The following LUZP2 variants were observed in gnomAD, a reference collection of about 807,000 sequenced individuals.
LUZP2 encodes the protein leucine zipper protein 2.
Under a neutral mutation model 51.6 loss-of-function variants are expected in LUZP2, and 52 were observed. That is an observed-to-expected ratio of 1.01 (90% CI 0.81 to 1.27). The LOEUF is 1.27. Among genes scored for constraint, LUZP2 ranks in the 50% most tolerant of loss-of-function variants. The pLI, the probability that LUZP2 is intolerant of heterozygous loss-of-function variation, is 0.00. For synonymous variants in LUZP2, 154 were observed against 137.3 expected (o/e 1.12, Z -0.85); for missense variants, 436 against 395.4 (o/e 1.10, Z -0.87).
chr11:24,703,874 A>G (rs530319754), intron 1 of LUZP2, among the ~76,000 whole-genome samples: 1 of 151,600 alleles, frequency 6.6e-6, no homozygotes, highest in Non-Finnish European at 1.5e-5. Context: ...ACAAAAAAAA[A>G]CAGAATTATT....
At chr11:24,747,875 C>T (rs545667259) in intron 4 of LUZP2, among the ~76,000 whole-genome samples, 3 of 152,200 alleles carry the variant, frequency 2.0e-5, no homozygotes, top group African/African-American at 7.2e-5. Flanking sequence ...AGCTTCCACG[C>T]AATCTGAAGG....
chr11:24,917,710 C>T (rs563546201), intron 7 of LUZP2, among the ~76,000 whole-genome samples: 24 of 152,154 alleles, frequency 1.6e-4, no homozygotes, highest in African/African-American at 5.5e-4. Flanking sequence ...GTTTTGGTAC[C>T]AGTACCATGC....
intron 1 of LUZP2, among the ~76,000 whole-genome samples, chr11:24,510,185 G>A (rs913244303): frequency 2.0e-4 from 31 of 152,220 alleles, no homozygotes; most frequent in Non-Finnish European, 3.4e-4. Flanking sequence ...AGGAGGCAGA[G>A]TTACCCAATG....
intron 7 of LUZP2, among the ~76,000 whole-genome samples, chr11:24,919,586 G>T (rs1399072782): frequency 7.0e-6 from 1 of 143,106 alleles, no homozygotes; most frequent in Admixed American, 7.2e-5. Context: ...AAATACACAG[G>T]ATAGCTTTTA....
At chr11:24,573,297 A>T (rs1590196219) in intron 1 of LUZP2, among the ~76,000 whole-genome samples, 1 of 152,188 alleles carries the variant, frequency 6.6e-6, no homozygotes, top group Non-Finnish European at 1.5e-5. Context: ...TTGCAAAGCC[A>T]GTATATTAAC....
intron 5 of LUZP2, among the ~76,000 whole-genome samples, chr11:24,799,612 CA>C (rs1849639971): frequency 6.6e-6 from 1 of 150,778 alleles, no homozygotes; most frequent in African/African-American, 2.4e-5. Context: ...ATGAAAAATG[CA>C]AACCAGGACC....
intron 1 of LUZP2, among the ~76,000 whole-genome samples, chr11:24,691,873 A>G (rs1252251569): frequency 7.2e-5 from 11 of 152,154 alleles, no homozygotes; most frequent in African/African-American, 2.4e-4. Context: ...ACTTGGGGTC[A>G]TGATTCATAA....
At chr11:24,654,443 G>T (rs1283929401) in intron 1 of LUZP2, among the ~76,000 whole-genome samples, 2 of 151,566 alleles carry the variant, frequency 1.3e-5, no homozygotes, top group Non-Finnish European at 2.9e-5. Flanking sequence ...TTCAGACAGG[G>T]TCTCACTCTC....
chr11:24,978,738 T>C (rs1445593765), intron 8 of LUZP2, among the ~76,000 whole-genome samples: 1 of 151,724 alleles, frequency 6.6e-6, no homozygotes, highest in Non-Finnish European at 1.5e-5. Flanking sequence ...GCACAGAGAA[T>C]GGATATGTAT....
chr11:24,713,617 A>T (rs755575730), intron 1 of LUZP2, among the ~76,000 whole-genome samples: 3 of 150,384 alleles, frequency 2.0e-5, no homozygotes, highest in African/African-American at 4.9e-5. Context: ...AAGTGGCAAG[A>T]TCACCTGAGG....
rs377125180 is a variant in LUZP2, at chr11:25,022,128, T to A, written c.766-27910T>A. Among the ~76,000 whole-genome samples, 36 of 152,202 alleles carry A rather than the reference T, an allele frequency of 2.4e-4. No individual in the cohort carries two copies. The East Asian group carries it at 6.6e-3, about 28-fold the overall frequency. On this transcript the variant is annotated intron_variant, in intron 9 of 11. Transcript: ENST00000336930. ...CCAATGCTCATCTATTAGGTCTCAT[T>A]TTTAATGCCTTTGCTTGGGGGAAAC...
intron 1 of LUZP2, among the ~76,000 whole-genome samples, chr11:24,543,945 A>G (rs959567826): frequency 4.6e-5 from 7 of 151,892 alleles, no homozygotes; most frequent in African/African-American, 1.7e-4. Context: ...ATCATTGAGC[A>G]GTTCGGTCAT....
chr11:24,991,789 G>A (rs1200165725), intron 9 of LUZP2, among the ~76,000 whole-genome samples: 3 of 152,106 alleles, frequency 2.0e-5, no homozygotes, highest in South Asian at 2.1e-4. Context: ...GTATTGCATT[G>A]TGGTTTTGAA....
intron 5 of LUZP2, among the ~76,000 whole-genome samples, chr11:24,802,105 T>C (rs1189962827): frequency 1.3e-5 from 2 of 152,024 alleles, no homozygotes; most frequent in Admixed American, 1.3e-4. Flanking sequence ...ATAACCACTA[T>C]CTTTACTTCT....
chr11:24,686,658 C>A (rs1856904865), intron 1 of LUZP2, among the ~76,000 whole-genome samples: 2 of 152,106 alleles, frequency 1.3e-5, no homozygotes, highest in African/African-American at 2.4e-5. Context: ...CCTACTAATT[C>A]TTAGGAGTTT....
intron 5 of LUZP2, among the ~76,000 whole-genome samples, chr11:24,768,497 T>C (rs1258418626): frequency 6.6e-6 from 1 of 152,184 alleles, no homozygotes; most frequent in Non-Finnish European, 1.5e-5. Flanking sequence ...AACACTAGTA[T>C]TTAAACAGTC....
At chr11:25,035,980 T>C (rs1393759834) in intron 9 of LUZP2, among the ~76,000 whole-genome samples, 1 of 152,080 alleles carries the variant, frequency 6.6e-6, no homozygotes, top group African/African-American at 2.4e-5. Context: ...GTTGGCTTCA[T>C]AGGATGAATT....
intron 1 of LUZP2, among the ~76,000 whole-genome samples, chr11:24,563,235 TA>T (rs769768971): frequency 6.6e-6 from 1 of 152,164 alleles, no homozygotes; most frequent in Non-Finnish European, 1.5e-5. Context: ...GAAGAATGTA[TA>T]GGGACCACCA....
At chr11:24,530,536 C>A (rs1455356181) in intron 1 of LUZP2, among the ~76,000 whole-genome samples, 1 of 150,786 alleles carries the variant, frequency 6.6e-6, no homozygotes, top group Non-Finnish European at 1.5e-5. Context: ...CATTTTACAG[C>A]ACTAAAAATT....
Sources: allele counts gnomAD v4.1 joint callset (sites outside exome capture counted in the v4.1 genomes callset), GRCh38; gene constraint gnomAD v4.1.1; transcripts MANE v1.5; gene names NCBI Gene and HGNC (gene_info 2026-07-23, HGNC 2026-07-21).